Variants in ELP3 observed in about 807,000 individuals in gnomAD.
ELP3 encodes elongator acetyltransferase complex subunit 3.
Under a neutral mutation model 74.9 loss-of-function variants are expected in ELP3, and 56 were observed. The ratio of observed to expected loss-of-function variants is 0.75; its 90% CI spans 0.60 to 0.93. The LOEUF (loss-of-function observed/expected upper bound fraction) is 0.93, where lower values mean the gene tolerates loss of function less well. ELP3 is among the 40% of genes least tolerant of loss of function. The pLI, the probability that ELP3 is intolerant of heterozygous loss-of-function variation, is 0.00. For missense variants in ELP3, 573 were observed against 686.5 expected, an observed-to-expected ratio of 0.83 and a Z score of 1.85; for synonymous variants, 222 against 239.8, an observed-to-expected ratio of 0.93 and a Z score of 0.68.
intron 14 of ELP3, among the ~76,000 whole-genome samples, chr8:28,175,939 C>G (rs1377004671): frequency 6.6e-6 from 1 of 151,722 alleles, no homozygotes; most frequent in Non-Finnish European, 1.5e-5. Context: ...CTCAGCCTCC[C>G]TAGTAGCTGG....
chr8:28,171,516 T>C (rs1042684566), intron 14 of ELP3, among the ~76,000 whole-genome samples: 6 of 152,154 alleles, frequency 3.9e-5, no homozygotes, highest in African/African-American at 1.4e-4. Flanking sequence ...CTGGATTGTT[T>C]GTCTTTTTGT....
chr8:28,181,481 G>A (rs1815008725), intron 14 of ELP3, among the ~76,000 whole-genome samples: 1 of 152,142 alleles, frequency 6.6e-6, no homozygotes, highest in Admixed American at 6.6e-5. Flanking sequence ...TTATTCTTCA[G>A]TTTCTTACTA....
chr8:28,129,684 C>G, intron 8 of ELP3, 21 bp downstream of exon 8: 1 of 1,613,072 alleles, frequency 6.2e-7, no homozygotes, highest in South Asian at 1.1e-5. Flanking sequence ...GGCAGGTGAT[C>G]TTGCACAAGT....
chr8:28,148,391 G>T (rs1056270620), intron 10 of ELP3, among the ~76,000 whole-genome samples: 1 of 151,064 alleles, frequency 6.6e-6, no homozygotes, highest in African/African-American at 2.4e-5. Context: ...CTTGACCAGG[G>T]CATCCTGTGA....
chr8:28,120,728 T>A (rs922425743), intron 7 of ELP3, among the ~76,000 whole-genome samples: 1 of 152,194 alleles, frequency 6.6e-6, no homozygotes, highest in African/African-American at 2.4e-5. Flanking sequence ...ATGTGTAATA[T>A]GAGGTGGGGA....
At chr8:28,156,131 G>A (rs550517953) in intron 11 of ELP3, 99 bp downstream of exon 11, 6 of 940,410 alleles carry the variant, frequency 6.4e-6, no homozygotes, top group South Asian at 2.8e-5. Flanking sequence ...CCAGACTTGC[G>A]GGTCAGGTCA....
At chr8:28,094,468 C>T (rs367615688) in intron 1 of ELP3, among the ~76,000 whole-genome samples, 34 of 152,292 alleles carry the variant, frequency 2.2e-4, no homozygotes, top group African/African-American at 8.2e-4. Context: ...CCGGTAATCC[C>T]AGCACTTTGG....
chr8:28,110,234 T>G, intron 5 of ELP3, 136 bp from the exon 6 acceptor site: 1 of 752,296 alleles, frequency 1.3e-6, no homozygotes, highest in Non-Finnish European at 2.2e-6. Context: ...CTGACAAGAC[T>G]GAGAAAAATT....
intron 10 of ELP3, among the ~76,000 whole-genome samples, chr8:28,144,095 T>G (rs1203975886): frequency 6.6e-6 from 1 of 152,194 alleles, no homozygotes; most frequent in African/African-American, 2.4e-5. Context: ...TTATATTTAA[T>G]TTGCCAGTCA....
intron 5 of ELP3, among the ~76,000 whole-genome samples, chr8:28,108,194 A>C (rs59949871): frequency 0.17 from 25,813 of 152,176 alleles, 2,347 homozygotes; most frequent in Admixed American, 0.25. Context: ...AATAATACTT[A>C]CTTCTTATCC....
chr8:28,125,637 G>C (rs538534426), intron 7 of ELP3, among the ~76,000 whole-genome samples: 1 of 152,056 alleles, frequency 6.6e-6, no homozygotes, highest in South Asian at 2.1e-4. Context: ...AGTAATAATA[G>C]ATAGTGCTTC....
intron 1 of ELP3, among the ~76,000 whole-genome samples, chr8:28,094,652 G>A (rs894174728): frequency 1.3e-5 from 2 of 151,998 alleles, no homozygotes; most frequent in Non-Finnish European, 2.9e-5. Flanking sequence ...AGAGGCGGGA[G>A]AATCACTTGA....
At chr8:28,176,267 G>T (rs2130594510) in intron 14 of ELP3, among the ~76,000 whole-genome samples, 1 of 152,330 alleles carries the variant, frequency 6.6e-6, no homozygotes, top group East Asian at 1.9e-4. Context: ...AAGAAAAAAG[G>T]ATGTGTATCT....
intron 3 of ELP3, among the ~76,000 whole-genome samples, chr8:28,102,122 T>C (rs1318924590): frequency 1.3e-5 from 2 of 152,234 alleles, no homozygotes; most frequent in Admixed American, 6.5e-5. Flanking sequence ...ATGCTTTCTT[T>C]GGTAACCTCA....
rs1815445348 is a variant in ELP3 at position 28,191,109 on chromosome 8, AT to A, written c.*1386del. ...ATTTTACAAAGGTTTAAAGGAATTG[AT>A]TCCTCTGAAAGGGCCTGAAAATAAA... On this transcript the variant is annotated 3_prime_UTR_variant, in exon 15 of 15. Transcript: ENST00000256398. 1 of 152,226 alleles carries A rather than the reference AT, an allele frequency of 6.6e-6. No individual in the cohort carries two copies. The highest frequency in any genetic ancestry group is 2.4e-5 in the African/African-American group (1 of 41,450). The allele number at this position is 152,226 out of a possible 1,614,324, so 9.4% of individuals were successfully genotyped here. A position where few individuals can be genotyped will look rare whatever the true frequency, so the allele number is the denominator to read the frequency against.
At chr8:28,160,488 A>G (rs772190911) in intron 13 of ELP3, 32 bp downstream of exon 13, 13 of 1,583,584 alleles carry the variant, frequency 8.2e-6, no homozygotes, top group Non-Finnish European at 1.1e-5. Context: ...TTTGACTTCT[A>G]AGAAACTGCC....
chr8:28,187,567 C>T (rs960989542), intron 14 of ELP3, among the ~76,000 whole-genome samples: 3 of 152,176 alleles, frequency 2.0e-5, no homozygotes, highest in Admixed American at 6.5e-5. Context: ...GTTGAGTGCA[C>T]GCCCGTCTCA....
chr8:28,096,243 G>A (rs1484867950), intron 1 of ELP3, among the ~76,000 whole-genome samples: 1 of 152,174 alleles, frequency 6.6e-6, no homozygotes, highest in Admixed American at 6.5e-5. Context: ...AACAGAATTC[G>A]TTATGGTGAA....
chr8:28,160,288 C>T lies in ELP3; in HGVS notation c.1317C>T (p.Tyr439=), dbSNP rs10086494. The change falls in exon 13 of 15, where the codon TAC becomes TAT. Residue 439 remains tyrosine, a synonymous_variant. Coordinates refer to ENST00000256398, the MANE Select transcript of ELP3 (RefSeq NM_018091.6). ...ANGGWETFLS[Y]EDPDQDILIG... Reference sequence around the variant, plus strand: ...GTGGCTGGGAAACATTCTTGTCATACGAAGACCCAGATCAAGACATTTTGA... The same window carrying T: ...GTGGCTGGGAAACATTCTTGTCATATGAAGACCCAGATCAAGACATTTTGA... 7,796 of 1,614,076 alleles carry T rather than the reference C, an allele frequency of 4.8e-3. 336 individuals are homozygous for T. In the African/African-American group the frequency reaches 0.089, roughly 18 times the overall value.
Sources: allele counts gnomAD v4.1 joint callset (sites outside exome capture counted in the v4.1 genomes callset), GRCh38; gene constraint gnomAD v4.1.1; transcripts MANE v1.5; gene names NCBI Gene and HGNC (gene_info 2026-07-23, HGNC 2026-07-21).